EFCAB10: variants seen among roughly 807,000 people sequenced by gnomAD.
EFCAB10 encodes EF-hand calcium-binding domain-containing protein 10.
Under a neutral mutation model 7.7 loss-of-function variants are expected in EFCAB10, and 7 were observed. The ratio of observed to expected loss-of-function variants is 0.91; its 90% CI spans 0.52 to 1.72. The LOEUF is 1.72. Among genes scored for constraint, EFCAB10 ranks in the 40% most tolerant of loss-of-function variants. The pLI, the probability that EFCAB10 is intolerant of heterozygous loss-of-function variation, is 0.00. For missense variants in EFCAB10, 112 were observed against 61.5 expected (o/e 1.82, Z -2.74); for synonymous variants, 52 against 21.0 (o/e 2.47, Z -4.03).
intron 4 of EFCAB10, chr7:105,566,910 G>A (rs1043055696): frequency 5.8e-6 from 2 of 346,854 alleles, no homozygotes; most frequent in African/African-American, 2.1e-5. Context: ...AATAGGGATC[G>A]TATTACCTTA....
At position 105,581,338 on chromosome 7, in the gene EFCAB10, C is replaced by T. The variant is rs2115597383; in HGVS notation, c.106+20G>A. On this transcript the variant is annotated intron_variant, in intron 1 of 4. Coordinates refer to ENST00000480514, the MANE Select transcript of EFCAB10 (RefSeq NM_001355526.2). ...ACCCCACATGGAGGTATGGCTGTAC[C>T]GGGGCATGGGGGCCCTTACCCGGCC... is the stretch of plus-strand genomic sequence containing the variant. The T allele has an allele frequency of 4.3e-6, 3 of 702,624 alleles. No individual in the cohort carries two copies. The highest frequency in any genetic ancestry group is 3.0e-5 in the South Asian group (2 of 67,556). The allele number at this position is 702,624 out of a possible 1,614,324, so 43.5% of individuals were successfully genotyped here. A position where few individuals can be genotyped will look rare whatever the true frequency, so the allele number is the denominator to read the frequency against.
chr7:105,575,428 C>T (rs1045276082), intron 1 of EFCAB10, among the ~76,000 whole-genome samples: 19 of 152,222 alleles, frequency 1.2e-4, no homozygotes, highest in African/African-American at 4.3e-4. Flanking sequence ...CTTGCCTCAG[C>T]CTCCCAAGTA....
At chr7:105,572,182 T>C (rs2133519921) in intron 1 of EFCAB10, 1 of 152,340 alleles carries the variant, frequency 6.6e-6, no homozygotes, top group South Asian at 2.1e-4. Flanking sequence ...TCTGAAATTT[T>C]GTATGCTTTG....
chr7:105,579,669 G>A (rs185064717), intron 1 of EFCAB10, among the ~76,000 whole-genome samples: 50 of 152,250 alleles, frequency 3.3e-4, no homozygotes, highest in African/African-American at 8.4e-4. Flanking sequence ...TAAGAAAGGC[G>A]CATTTTCATC....
chr7:105,573,167 T>A (rs1262008880), intron 1 of EFCAB10: 1 of 152,184 alleles, frequency 6.6e-6, no homozygotes, highest in Non-Finnish European at 1.5e-5. Flanking sequence ...ATCTTTTTCA[T>A]CCCTGGGAAT....
chr7:105,578,019 C>T (rs1016433732), intron 1 of EFCAB10, among the ~76,000 whole-genome samples: 12 of 152,206 alleles, frequency 7.9e-5, no homozygotes, highest in Admixed American at 7.2e-4. Flanking sequence ...CCACCTTGGC[C>T]TCCCAAAGTG....
At chr7:105,567,647 A>C (rs1197287143) in intron 3 of EFCAB10, 157 bp from the exon 4 acceptor site, 6 of 531,032 alleles carry the variant, frequency 1.1e-5, no homozygotes, top group Non-Finnish European at 2.0e-5. Flanking sequence ...GTGGATAATC[A>C]AACATAGCCA....
At chr7:105,577,363 G>A (rs888356916) in intron 1 of EFCAB10, among the ~76,000 whole-genome samples, 3 of 152,214 alleles carry the variant, frequency 2.0e-5, no homozygotes, top group Admixed American at 2.0e-4. Context: ...TGGATGGGCT[G>A]AGTGTCATGA....
At chr7:105,574,118 G>GTA (rs1330175916) in intron 1 of EFCAB10, among the ~76,000 whole-genome samples, 544 of 7,758 alleles carry the variant, frequency 0.07, 3 homozygotes, top group Admixed American at 0.11. Flanking sequence ...CACACACAAT[G>GTA]TGTGTGTATA....
At chr7:105,574,507 C>T (rs896614965) in intron 1 of EFCAB10, among the ~76,000 whole-genome samples, 8 of 150,932 alleles carry the variant, frequency 5.3e-5, no homozygotes, top group South Asian at 2.1e-4. Context: ...TTTTTTGAGA[C>T]GGAATCTCGC....
In EFCAB10 at chr7:105,569,505, G is replaced by A. The variant is rs1381007404; in HGVS notation, c.173C>T (p.Ala58Val). 12 of 702,752 alleles carry A rather than the reference G, an allele frequency of 1.7e-5. No homozygotes were observed. The highest frequency in any genetic ancestry group is 1.0e-4 in the African/African-American group (6 of 57,232). 43.5% of individuals were successfully genotyped at this position (702,752 alleles called of 1,614,324 possible). A position where few individuals can be genotyped will look rare whatever the true frequency, so the allele number is the denominator to read the frequency against. ...AGAGTTATCCATAAAGAAAGGAAAC[G>A]CCACGCCTGTTACTTTTGCAATTCT... ...RLRIAKVTGV[A>V]FPFFMDNSNI... The change falls in exon 2 of 5, where the codon GCG (alanine) becomes GTG (valine). Residue 58 changes from alanine to valine, a missense_variant. Coordinates refer to ENST00000480514, the MANE Select transcript of EFCAB10 (RefSeq NM_001355526.2).
At chr7:105,571,329 A>C (rs1289194381) in intron 1 of EFCAB10, 1 of 152,222 alleles carries the variant, frequency 6.6e-6, no homozygotes, top group Admixed American at 6.5e-5. Flanking sequence ...AAACCATTGC[A>C]CCAGATCAGC....
intron 4 of EFCAB10, chr7:105,567,031 A>G: frequency 1.3e-6 from 1 of 747,314 alleles, no homozygotes; most frequent in Non-Finnish European, 2.1e-6. Context: ...CCAGCAGTGC[A>G]GAGAAGCTGT....
intron 3 of EFCAB10, among the ~76,000 whole-genome samples, chr7:105,568,291 T>G (rs764491305): frequency 1.6e-4 from 24 of 152,196 alleles, no homozygotes; most frequent in Non-Finnish European, 2.9e-4. Flanking sequence ...TAATAGTTAC[T>G]TGACTAATAA....
At chr7:105,572,316 TACTTC>T (rs1380598099) in intron 1 of EFCAB10, 2 of 152,336 alleles carry the variant, frequency 1.3e-5, no homozygotes, top group South Asian at 2.1e-4. Context: ...GTGCGTGATT[TACTTC>T]ACTTAATGTT....
At chr7:105,575,898 A>G (rs1290899633) in intron 1 of EFCAB10, among the ~76,000 whole-genome samples, 1 of 151,958 alleles carries the variant, frequency 6.6e-6, no homozygotes, top group Non-Finnish European at 1.5e-5. Flanking sequence ...TTAGCCAGGC[A>G]TGGTGGCACA....
chr7:105,570,268 TACACACACACAC>T (rs1554369774), intron 1 of EFCAB10, among the ~76,000 whole-genome samples: 1 of 66,430 alleles, frequency 1.5e-5, no homozygotes, highest in Non-Finnish European at 2.7e-5. Flanking sequence ...TATATATATA[TACACACACACAC>T]ACATACATAT....
At chr7:105,567,514 G>A (rs928030861) in intron 3 of EFCAB10, 24 bp from the exon 4 acceptor site, 47 of 691,018 alleles carry the variant, frequency 6.8e-5, no homozygotes, top group African/African-American at 1.6e-4. Flanking sequence ...AACAGAAAAC[G>A]AAACAATGAA....
rs750282703 is a variant in EFCAB10 at position 105,567,221 on chromosome 7, A to G, written c.383+246T>C. 1 of 1,613,632 alleles carries G rather than the reference A, an allele frequency of 6.2e-7. No homozygotes were observed. The highest frequency in any genetic ancestry group is 1.1e-5 in the South Asian group (1 of 90,880). ...CAGGGCAGCTTCCTGCCACAGCAGC[A>G]TTAAATGAAGTTGGAATTTACAAAC... On this transcript the variant is annotated intron_variant, in intron 4 of 4. Transcript: ENST00000480514.
Sources: allele counts gnomAD v4.1 joint callset (sites outside exome capture counted in the v4.1 genomes callset), GRCh38; gene constraint gnomAD v4.1.1; transcripts MANE v1.5; gene names NCBI Gene and HGNC (gene_info 2026-07-23, HGNC 2026-07-21).